The following PTPN21 variants were observed in gnomAD, a reference collection of about 807,000 sequenced individuals.
The protein encoded by PTPN21 is protein tyrosine phosphatase non-receptor type 21, also known as tyrosine-protein phosphatase non-receptor type 21.
Under a neutral mutation model 131.8 loss-of-function variants are expected in PTPN21, and 77 were observed. The ratio of observed to expected loss-of-function variants is 0.58; its 90% confidence interval spans 0.49 to 0.71. The LOEUF (loss-of-function observed/expected upper bound fraction) is 0.71, where lower values mean the gene tolerates loss of function less well. Ranked by LOEUF, PTPN21 falls within the 30% of genes least tolerant of loss-of-function variation. The pLI is 0.00. For synonymous variants in PTPN21, 715 were observed against 621.3 expected (o/e 1.15, Z -2.24); for missense variants, 1,552 against 1,527.1 (o/e 1.02, Z -0.27).
rs144678590 is a variant in PTPN21, at chr14:88,538,701, C to T, written c.180+11537G>A. Among the ~76,000 whole-genome samples, 711 of 152,328 alleles carry T rather than the reference C, an allele frequency of 4.7e-3. 3 individuals are homozygous for T. The highest frequency in any genetic ancestry group is 0.016 in the African/African-American group (658 of 41,574). On this transcript the variant is annotated intron_variant, in intron 2 of 18. Transcript: ENST00000556564. ...ATGAGCTCCAGAGCAGGCCACCTGT[C>T]ATTTGTCAAAGGTTATAAACCAGGA...
At position 88,467,880 on chromosome 14, in the gene PTPN21, G is replaced by A. The variant is rs1036373730; in HGVS notation, c.*257C>T. On this transcript the variant is annotated 3_prime_UTR_variant, in exon 19 of 19. Transcript: ENST00000556564. ...AATCTCCAAAATGTGTGCAAGTACT[G>A]CAAACCGGACAGACCGGGGCAGGGC... 4.1e-6 allele frequency: 2 copies of A among 489,430 alleles called. No homozygotes were observed. The highest frequency in any genetic ancestry group is 3.9e-5 in the Admixed American group (1 of 25,448). 30.3% of individuals were successfully genotyped at this position (489,430 alleles called of 1,614,324 possible). A position where few individuals can be genotyped will look rare whatever the true frequency, so the allele number is the denominator to read the frequency against.
chr14:88,541,311 G>A (rs1282576004), intron 2 of PTPN21, among the ~76,000 whole-genome samples: 1 of 152,298 alleles, frequency 6.6e-6, no homozygotes. Flanking sequence ...GGAAATCTAA[G>A]TGACATTTGT....
intron 13 of PTPN21, among the ~76,000 whole-genome samples, chr14:88,476,997 G>A (rs1485756648): frequency 2.0e-5 from 3 of 152,098 alleles, no homozygotes; most frequent in Non-Finnish European, 4.4e-5. Flanking sequence ...GATAGCATTT[G>A]GGGAAAGTAC....
intron 2 of PTPN21, among the ~76,000 whole-genome samples, chr14:88,529,245 T>C (rs1452715297): frequency 6.6e-6 from 1 of 152,210 alleles, no homozygotes; most frequent in Non-Finnish European, 1.5e-5. Context: ...CATATTGTTT[T>C]TAATGCTGTT....
intron 10 of PTPN21, among the ~76,000 whole-genome samples, chr14:88,493,931 C>A (rs2077864475): frequency 6.6e-6 from 1 of 152,178 alleles, no homozygotes; most frequent in African/African-American, 2.4e-5. Flanking sequence ...GTGAGCCAGG[C>A]CCTTGCTTGG....
At chr14:88,518,512 C>A in intron 2 of PTPN21, among the ~76,000 whole-genome samples, 1 of 133,936 alleles carries the variant, frequency 7.5e-6, no homozygotes, top group Non-Finnish European at 1.6e-5. Context: ...CTCACTGCAA[C>A]CTCCGCTTCC....
chr14:88,503,717 T>C (rs1301582412), intron 6 of PTPN21, among the ~76,000 whole-genome samples: 1 of 148,436 alleles, frequency 6.7e-6, no homozygotes, highest in Non-Finnish European at 1.5e-5. Context: ...GCAGGACTGG[T>C]GTATTAAATA....
chr14:88,536,817 T>G (rs1296483096), intron 2 of PTPN21, among the ~76,000 whole-genome samples: 6 of 152,142 alleles, frequency 3.9e-5, no homozygotes, highest in African/African-American at 1.4e-4. Flanking sequence ...GTCAGAAGAC[T>G]TTTCATCAGG....
intron 3 of PTPN21, among the ~76,000 whole-genome samples, chr14:88,516,486 A>C (rs1455328657): frequency 2.6e-5 from 4 of 152,158 alleles, no homozygotes; most frequent in Non-Finnish European, 5.9e-5. Flanking sequence ...TCAAGAACTC[A>C]AATTTTATTC....
chr14:88,531,227 C>A (rs1166575249), intron 2 of PTPN21, among the ~76,000 whole-genome samples: 2 of 152,096 alleles, frequency 1.3e-5, no homozygotes, highest in Non-Finnish European at 2.9e-5. Context: ...TTTAAAAATT[C>A]TTTGAACTGA....
At chr14:88,539,515 C>T (rs775911153) in intron 2 of PTPN21, among the ~76,000 whole-genome samples, 2 of 151,538 alleles carry the variant, frequency 1.3e-5, no homozygotes, top group Non-Finnish European at 1.5e-5. Context: ...CCCGAACTGC[C>T]GGGATTACAG....
intron 14 of PTPN21, among the ~76,000 whole-genome samples, chr14:88,472,736 G>A (rs1288122): frequency 0.54 from 82,740 of 151,850 alleles, 25,162 homozygotes; most frequent in Admixed American, 0.69. Flanking sequence ...CAGGTGTGGT[G>A]GTGCATGCCT....
At chr14:88,528,073 G>A (rs866583879) in intron 2 of PTPN21, among the ~76,000 whole-genome samples, 65 of 152,020 alleles carry the variant, frequency 4.3e-4, no homozygotes, top group Non-Finnish European at 3.8e-4. Context: ...GTTGGAAGTC[G>A]GGTAATGTGA....
At position 88,485,794 on chromosome 14, in the gene PTPN21, TGAA is replaced by T. The variant is rs2077722640; in HGVS notation, c.978_980del (p.Ser327del). 8 of 1,606,732 alleles carry T rather than the reference TGAA, an allele frequency of 5.0e-6. No homozygotes were observed. Among genetic ancestry groups the T allele is most frequent in the Non-Finnish European group, 6.0e-6 (7 of 1,173,822 alleles). ...CCTTGTTTCTTACCAGAGACATCCT[TGAA>T]GAAGACCTCCTCCTGATTGGGTTCA... On this transcript the variant is annotated inframe_deletion, in exon 11 of 19. Coordinates refer to ENST00000556564, the MANE Select transcript of PTPN21 (RefSeq NM_007039.4).
intron 2 of PTPN21, among the ~76,000 whole-genome samples, chr14:88,518,386 G>GTATATGTATATATATATATATA (rs2078327184): frequency 1.0e-4 from 1 of 9,708 alleles, no homozygotes; most frequent in Non-Finnish European, 2.2e-4. Context: ...GTGTGTGTGT[G>GTATATGTATATATATATATATA]TATATATATA....
rs908744747 is a variant in PTPN21, at chr14:88,504,461, G to C, written c.551C>G (p.Ala184Gly). Residue 184 changes from alanine to glycine, a missense_variant, in exon 6 of 19, where the codon GCA becomes GGA. This residue lies in a region of PTPN21 where 206 missense variants were observed against 221.6 expected (regional missense o/e 0.93). Coordinates refer to ENST00000556564, the MANE Select transcript of PTPN21 (RefSeq NM_007039.4). ...ATGTAGTAAGGCCACTTTTTGGGTT[G>C]CTTCTTCCAATACTTTTTCATCTTG... The part of the protein sequence containing the change: ...WLQDEKVLEE[A>G]TQKVALLHQK... 6.2e-7 allele frequency: 1 copy of C among 1,612,864 alleles called. No individual in the cohort carries two copies.
Position 88,554,833 on chromosome 14 carries a change from T to G in PTPN21, c.-385A>C, listed in dbSNP as rs1277397205. ...AAACCCGGCTCGCAGACCATTCCCC[T>G]GGGCAGAGTCCGGCGGTGGCGACGG... On this transcript the variant is annotated 5_prime_UTR_variant, in exon 1 of 19. Coordinates refer to ENST00000556564, the MANE Select transcript of PTPN21 (RefSeq NM_007039.4). 4.6e-5 allele frequency: 7 copies of G among 151,758 alleles called. No homozygotes were observed. The highest frequency in any genetic ancestry group is 1.0e-4 in the Non-Finnish European group (7 of 68,048). 9.4% of individuals were successfully genotyped at this position (151,758 alleles called of 1,614,324 possible).
At chr14:88,468,325 G>A in intron 18 of PTPN21, 60 bp from the exon 19 acceptor site, 1 of 1,475,608 alleles carries the variant, frequency 6.8e-7, no homozygotes, top group South Asian at 1.3e-5. Flanking sequence ...AGAAAGGATG[G>A]GAGGACACGA....
intron 2 of PTPN21, among the ~76,000 whole-genome samples, chr14:88,549,221 C>T (rs774649154): frequency 5.9e-5 from 9 of 152,118 alleles, no homozygotes; most frequent in Non-Finnish European, 1.2e-4. Context: ...TTGAGACCAA[C>T]CTGGGCAACA....
Sources: gnomAD v4.1 joint callset for allele counts (sites outside exome capture counted in the v4.1 genomes callset) on GRCh38, gnomAD v4.1.1 for gene constraint, gnomAD v4.1.1 regional missense constraint, MANE v1.5 for transcripts, NCBI Gene and HGNC (gene_info 2026-07-23, HGNC 2026-07-21) for gene names.